The following ASAH2 variants were observed in gnomAD, a reference collection of about 807,000 sequenced individuals.
The protein encoded by ASAH2 is N-acylsphingosine amidohydrolase 2.
ASAH2 carries 58 observed loss-of-function variants against 82.9 expected under a neutral mutation model. The observed-to-expected ratio is 0.70, with a 90% CI of 0.57 to 0.87. The LOEUF is 0.87. Among genes scored for constraint, ASAH2 ranks in the 40% least tolerant of loss-of-function variants. The probability of loss-of-function intolerance (pLI) is 0.00; values close to 1 mark genes in which losing one functional copy is unlikely to be tolerated. For synonymous variants in ASAH2, 276 were observed against 289.7 expected (o/e 0.95, Z 0.48); for missense variants, 779 against 834.0 (o/e 0.93, Z 0.81).
At chr10:50,220,001 T>C (rs918697684) in intron 7 of ASAH2, among the ~76,000 whole-genome samples, 17 of 152,310 alleles carry the variant, frequency 1.1e-4, no homozygotes, top group African/African-American at 3.8e-4. Flanking sequence ...TTATCAACTT[T>C]AAAATTCTTC....
chr10:50,250,752 G>A (rs1217205213), intron 1 of ASAH2, among the ~76,000 whole-genome samples: 1 of 152,100 alleles, frequency 6.6e-6, no homozygotes, highest in African/African-American at 2.4e-5. Flanking sequence ...AAACAGAGAG[G>A]GTACAAAATA....
At chr10:50,233,341 A>G (rs1190797902) in intron 6 of ASAH2, 80 bp from the exon 7 acceptor site, 4 of 993,394 alleles carry the variant, frequency 4.0e-6, no homozygotes, top group Non-Finnish European at 6.5e-6. Flanking sequence ...AGCAGCTGAC[A>G]CAAAAACAAA....
At chr10:50,230,771 G>A (rs1040270361) in intron 7 of ASAH2, among the ~76,000 whole-genome samples, 4 of 152,108 alleles carry the variant, frequency 2.6e-5, no homozygotes, top group South Asian at 2.1e-4. Flanking sequence ...GCCAGGTGCA[G>A]TAGCTCACAC....
At chr10:50,205,062 T>C in intron 13 of ASAH2, 107 bp from the exon 14 acceptor site, 1 of 725,628 alleles carries the variant, frequency 1.4e-6, no homozygotes, top group Non-Finnish European at 2.2e-6. Context: ...TATGATGTAG[T>C]ATTAAATATT....
At chr10:50,204,785 T>C (rs971354865) in intron 14 of ASAH2, 76 bp downstream of exon 14, 1 of 1,159,130 alleles carries the variant, frequency 8.6e-7, no homozygotes, top group African/African-American at 1.5e-5. Context: ...AGAATGATCT[T>C]TTCATGATAA....
intron 2 of ASAH2, among the ~76,000 whole-genome samples, chr10:50,247,302 C>A (rs546089275): frequency 2.4e-4 from 36 of 148,700 alleles, no homozygotes; most frequent in Non-Finnish European, 4.9e-4. Context: ...GGATTACAGG[C>A]GTGCACCACC....
intron 8 of ASAH2, among the ~76,000 whole-genome samples, chr10:50,218,223 C>A (rs34881856): frequency 0.76 from 114,903 of 152,164 alleles, 45,636 homozygotes; most frequent in Non-Finnish European, 0.88. Context: ...TTAATCAAAA[C>A]CTACTGTTAT....
chr10:50,246,654 T>C (rs1041576595), intron 2 of ASAH2, among the ~76,000 whole-genome samples: 1 of 152,184 alleles, frequency 6.6e-6, no homozygotes, highest in African/African-American at 2.4e-5. Flanking sequence ...CAATAGTTAA[T>C]GGAGAGCATG....
intron 4 of ASAH2, among the ~76,000 whole-genome samples, chr10:50,239,700 C>T (rs969733786): frequency 6.6e-6 from 1 of 152,126 alleles, no homozygotes; most frequent in Admixed American, 6.6e-5. Flanking sequence ...TAATACCTCC[C>T]TCATAGAGTC....
chr10:50,217,577 T>A (rs1845638830), intron 8 of ASAH2, among the ~76,000 whole-genome samples: 2 of 152,232 alleles, frequency 1.3e-5, no homozygotes, highest in Admixed American at 6.5e-5. Flanking sequence ...TCTGAGAAAA[T>A]TTTTATTTTA....
intron 10 of ASAH2, among the ~76,000 whole-genome samples, chr10:50,212,562 G>A (rs928226015): frequency 6.6e-6 from 1 of 152,230 alleles, no homozygotes; most frequent in African/African-American, 2.4e-5. Context: ...GTCACCAAAG[G>A]AAAAGTTAAG....
intron 16 of ASAH2, among the ~76,000 whole-genome samples, chr10:50,200,658 C>T (rs1845122219): frequency 6.6e-6 from 1 of 152,022 alleles, no homozygotes; most frequent in Non-Finnish European, 1.5e-5. Context: ...CTACTAGACC[C>T]CCAGCTTCCA....
intron 7 of ASAH2, among the ~76,000 whole-genome samples, chr10:50,221,841 G>A (rs1445211950): frequency 1.3e-5 from 2 of 152,080 alleles, no homozygotes; most frequent in Non-Finnish European, 2.9e-5. Context: ...CTTTGACTCT[G>A]TGCCAGCCAC....
chr10:50,245,005 A>G (rs1221235253), intron 3 of ASAH2, among the ~76,000 whole-genome samples: 1 of 152,130 alleles, frequency 6.6e-6, no homozygotes, highest in Non-Finnish European at 1.5e-5. Flanking sequence ...TGCTCATGAA[A>G]AAAAAAGGCC....
rs910051448 is a variant in ASAH2, at chr10:50,232,359, C to T, written c.893+825G>A. Among the ~76,000 whole-genome samples, 89 of 152,180 alleles carry T rather than the reference C, an allele frequency of 5.8e-4. 1 individual carries two copies. The highest frequency in any genetic ancestry group is 2.1e-4 in the Non-Finnish European group (14 of 67,990). On this transcript the variant is annotated intron_variant, in intron 7 of 20. Coordinates refer to ENST00000682911, the MANE Select transcript of ASAH2 (RefSeq NM_019893.4). ...ATGAGAAACAGGAAGACAGGGTAGT[C>T]ACAGAACTTGTCTAAAGTCACATTG...
chr10:50,223,724 G>A (rs1845805763), intron 7 of ASAH2, among the ~76,000 whole-genome samples: 1 of 152,152 alleles, frequency 6.6e-6, no homozygotes, highest in African/African-American at 2.4e-5. Context: ...TAAAGATTAA[G>A]TGATATTATA....
At chr10:50,220,564 T>C (rs1277909845) in intron 7 of ASAH2, among the ~76,000 whole-genome samples, 4 of 152,082 alleles carry the variant, frequency 2.6e-5, no homozygotes, top group African/African-American at 4.8e-5. Flanking sequence ...TTCTCACTTA[T>C]AAGTGGGAAC....
chr10:50,204,946 GT>G lies in ASAH2; in HGVS notation c.1539del (p.Lys513AsnfsTer22). On this transcript the variant is annotated frameshift_variant, in exon 14 of 21. Transcript: ENST00000682911. LOFTEE classifies it high-confidence loss of function. ...PILLHTGELS[K>X]PHPWHPDIVD... ...ACAATGTCTGGATGCCAGGGGTGAG[GT>G]TTTGATAGCTGAGAACCCAAAACAA... 1.9e-6 allele frequency: 3 copies of G among 1,609,168 alleles called. No homozygotes were observed. Among genetic ancestry groups the G allele is most frequent in the Non-Finnish European group, 2.5e-6 (3 of 1,177,788 alleles).
chr10:50,218,421 C>G, intron 8 of ASAH2, 89 bp downstream of exon 8: 1 of 1,566,094 alleles, frequency 6.4e-7, no homozygotes, highest in Non-Finnish European at 8.8e-7. Flanking sequence ...ACACTTTATT[C>G]TGGAGATTTG....
Sources: gnomAD v4.1 joint callset for allele counts (sites outside exome capture counted in the v4.1 genomes callset) on GRCh38, gnomAD v4.1.1 for gene constraint, MANE v1.5 for transcripts, NCBI Gene and HGNC (gene_info 2026-07-23, HGNC 2026-07-21) for gene names.